The following ERC2 variants were observed in gnomAD, a reference collection of about 807,000 sequenced individuals.
ERC2 encodes ELKS/RAB6-interacting/CAST family member 2.
ERC2 carries 42 observed loss-of-function variants against 114.8 expected under a neutral mutation model. The observed-to-expected ratio is 0.37, with a 90% CI of 0.29 to 0.47. The LOEUF is 0.47. ERC2 is among the 20% of genes least tolerant of loss of function. ERC2 has a pLI of 0.99. For synonymous variants in ERC2, 454 were observed against 425.5 expected (o/e 1.07, Z -0.82); for missense variants, 939 against 1,150.7 (o/e 0.82, Z 2.66).
chr3:55,539,415 C>CTTTTTTTTTTTTTTTTTTTTTTTTTT lies in ERC2; in HGVS notation c.*40-28165_*40-28140dup, dbSNP rs58749389. On this transcript the variant is annotated intron_variant, in intron 17 of 17. Coordinates refer to ENST00000288221, the MANE Select transcript of ERC2 (RefSeq NM_015576.3). ...TCTCTCTCTCTCTCTTTTTTTCTTTCTTTTTTTTTTTTTTTTTTTTTTTTT... is the reference window on the plus strand; with the variant it reads ...TCTCTCTCTCTCTCTTTTTTTCTTTCTTTTTTTTTTTTTTTTTTTTTTTTTTTTTTTTTTTTTTTTTTTTTTTTTTT... Among the ~76,000 whole-genome samples the CTTTTTTTTTTTTTTTTTTTTTTTTTT allele has an allele frequency of 7.3e-3, 286 of 39,116 alleles. 54 individuals carry two copies. The highest frequency in any genetic ancestry group is 0.011 in the Admixed American group (21 of 1,954). 25.7% of individuals were successfully genotyped at this position (39,116 alleles called of 152,430 possible). A position where few individuals can be genotyped will look rare whatever the true frequency, so the allele number is the denominator to read the frequency against.
At chr3:56,089,810 G>A (rs879561974) in intron 6 of ERC2, among the ~76,000 whole-genome samples, 1 of 152,136 alleles carries the variant, frequency 6.6e-6, no homozygotes, top group East Asian at 1.9e-4. Flanking sequence ...GCAAACAGAC[G>A]GTTGGCTGAG....
At chr3:56,127,213 G>A (rs1222069852) in intron 6 of ERC2, among the ~76,000 whole-genome samples, 2 of 152,108 alleles carry the variant, frequency 1.3e-5, no homozygotes, top group African/African-American at 2.4e-5. Flanking sequence ...TTCACGGATT[G>A]GAAGAATTAC....
intron 14 of ERC2, among the ~76,000 whole-genome samples, chr3:55,814,231 C>T (rs761519158): frequency 1.3e-5 from 2 of 152,156 alleles, no homozygotes; most frequent in Admixed American, 6.5e-5. Context: ...GATTTTGGTT[C>T]CTAGACATGC....
intron 7 of ERC2, among the ~76,000 whole-genome samples, chr3:56,048,021 C>T (rs1285433228): frequency 6.6e-6 from 1 of 152,046 alleles, no homozygotes; most frequent in African/African-American, 2.4e-5. Flanking sequence ...TATGTAGTAC[C>T]CCAAATGGGC....
intron 12 of ERC2, among the ~76,000 whole-genome samples, chr3:55,952,542 C>T (rs34851422): frequency 0.27 from 40,257 of 151,870 alleles, 5,634 homozygotes; most frequent in Admixed American, 0.34. Context: ...CTAAGGCAGG[C>T]GCATTTTCCA....
At chr3:56,370,602 T>C (rs553361526) in intron 2 of ERC2, among the ~76,000 whole-genome samples, 1 of 149,388 alleles carries the variant, frequency 6.7e-6, no homozygotes, top group Non-Finnish European at 1.5e-5. Flanking sequence ...TTTGTTTTTT[T>C]TTTTTTTTTT....
chr3:56,373,378 T>C (rs1021084550), intron 2 of ERC2, among the ~76,000 whole-genome samples: 16 of 152,190 alleles, frequency 1.1e-4, no homozygotes, highest in Non-Finnish European at 2.4e-4. Context: ...TTCTATAAGC[T>C]AAAAAGAAGG....
intron 3 of ERC2, among the ~76,000 whole-genome samples, chr3:56,283,562 C>T (rs1360256835): frequency 1.3e-5 from 2 of 152,160 alleles, no homozygotes; most frequent in Non-Finnish European, 2.9e-5. Context: ...ACAAAGGCCC[C>T]CTCCACCCTT....
chr3:55,696,781 C>G (rs1381459808), intron 16 of ERC2, among the ~76,000 whole-genome samples: 5 of 152,086 alleles, frequency 3.3e-5, no homozygotes, highest in African/African-American at 1.2e-4. Flanking sequence ...CCTGGGATGC[C>G]CAGTCAAAAG....
chr3:56,032,935 GAA>G (rs2074493052), intron 7 of ERC2, among the ~76,000 whole-genome samples: 1 of 86,786 alleles, frequency 1.2e-5, no homozygotes, highest in Non-Finnish European at 2.5e-5. Context: ...AAGAAAGAAA[GAA>G]AGAAAGAAAG....
At chr3:55,810,119 T>C (rs900589308) in intron 14 of ERC2, among the ~76,000 whole-genome samples, 1 of 152,210 alleles carries the variant, frequency 6.6e-6, no homozygotes, top group Non-Finnish European at 1.5e-5. Context: ...TAGTCCTCCA[T>C]TCATGAAAAC....
intron 2 of ERC2, among the ~76,000 whole-genome samples, chr3:56,403,314 T>C (rs1186545111): frequency 1.3e-5 from 2 of 152,230 alleles, no homozygotes; most frequent in African/African-American, 2.4e-5. Flanking sequence ...TCCTCTAGAA[T>C]TGCATTGTCC....
chr3:55,555,090 A>T (rs925052535), intron 17 of ERC2, among the ~76,000 whole-genome samples: 1 of 152,202 alleles, frequency 6.6e-6, no homozygotes, highest in Admixed American at 6.5e-5. Flanking sequence ...ATCAAAATGC[A>T]GGCACAAATA....
At chr3:56,009,048 G>A (rs2072716618) in intron 9 of ERC2, among the ~76,000 whole-genome samples, 1 of 152,174 alleles carries the variant, frequency 6.6e-6, no homozygotes, top group Non-Finnish European at 1.5e-5. Flanking sequence ...GAAACAACAA[G>A]TGTTTACCAA....
At chr3:55,733,542 TCACA>T (rs58311179) in intron 15 of ERC2, among the ~76,000 whole-genome samples, 2,623 of 107,800 alleles carry the variant, frequency 0.024, 105 homozygotes, top group African/African-American at 0.059. Context: ...TCTCTCTCTC[TCACA>T]CACACACACA....
At chr3:56,023,939 G>C (rs1350915174) in intron 7 of ERC2, among the ~76,000 whole-genome samples, 1 of 152,140 alleles carries the variant, frequency 6.6e-6, no homozygotes, top group Non-Finnish European at 1.5e-5. Flanking sequence ...TCTATACATA[G>C]CTTAAAACAG....
intron 14 of ERC2, among the ~76,000 whole-genome samples, chr3:55,871,608 A>T (rs2062587069): frequency 6.6e-6 from 1 of 152,226 alleles, no homozygotes; most frequent in Non-Finnish European, 1.5e-5. Context: ...AGAGACAGGA[A>T]TTTATATGCA....
intron 14 of ERC2, among the ~76,000 whole-genome samples, chr3:55,826,512 T>C (rs951513903): frequency 9.2e-5 from 14 of 152,202 alleles, no homozygotes; most frequent in Non-Finnish European, 1.8e-4. Context: ...ATATTATAGG[T>C]TGTTGTGAGG....
intron 3 of ERC2, among the ~76,000 whole-genome samples, chr3:56,289,090 T>C (rs924386631): frequency 1.3e-5 from 2 of 151,668 alleles, no homozygotes; most frequent in Non-Finnish European, 2.9e-5. Context: ...CAACCTTGGC[T>C]GCACGGCTCC....
Sources: gnomAD v4.1 joint callset for allele counts (sites outside exome capture counted in the v4.1 genomes callset) on GRCh38, gnomAD v4.1.1 for gene constraint, MANE v1.5 for transcripts, NCBI Gene and HGNC (gene_info 2026-07-23, HGNC 2026-07-21) for gene names.